Variants in SPON1 observed in about 807,000 individuals in gnomAD.
SPON1 encodes the protein spondin-1.
Under a neutral mutation model 111.7 loss-of-function variants are expected in SPON1, and 52 were observed. The ratio of observed to expected loss-of-function variants is 0.47; its 90% confidence interval spans 0.37 to 0.59. The LOEUF (loss-of-function observed/expected upper bound fraction) is 0.59, where lower values mean the gene tolerates loss of function less well. Ranked by LOEUF, SPON1 falls within the 20% of genes least tolerant of loss-of-function variation. SPON1 has a pLI of 0.00. For synonymous variants in SPON1, 410 were observed against 395.8 expected (o/e 1.04, Z -0.43); for missense variants, 957 against 1,068.5 (o/e 0.90, Z 1.46).
chr11:14,140,404 G>GT (rs1486519549), intron 6 of SPON1, among the ~76,000 whole-genome samples: 2 of 151,998 alleles, frequency 1.3e-5, no homozygotes, highest in South Asian at 2.1e-4. Context: ...TATTTGTTTT[G>GT]TTTTTTTGAG....
At chr11:13,993,420 A>T (rs1848247018) in intron 2 of SPON1, among the ~76,000 whole-genome samples, 2 of 152,044 alleles carry the variant, frequency 1.3e-5, no homozygotes, top group Non-Finnish European at 2.9e-5. Context: ...AATTGCCTGT[A>T]CAAAAGTAAC....
intron 6 of SPON1, among the ~76,000 whole-genome samples, chr11:14,221,585 C>CT: frequency 9.4e-6 from 1 of 105,836 alleles, no homozygotes; most frequent in South Asian, 2.7e-4. Context: ...GATTTCCACT[C>CT]TAAGTGACTC....
intron 5 of SPON1, among the ~76,000 whole-genome samples, chr11:14,083,742 A>G (rs1415523773): frequency 6.6e-6 from 1 of 152,232 alleles, no homozygotes; most frequent in Non-Finnish European, 1.5e-5. Flanking sequence ...ATAATAATGA[A>G]CACAAGTTTT....
intron 5 of SPON1, among the ~76,000 whole-genome samples, chr11:14,133,639 CTG>C (rs1554927759): frequency 6.6e-6 from 1 of 152,184 alleles, no homozygotes; most frequent in East Asian, 1.9e-4. Context: ...CTGCTTCACT[CTG>C]TGTCCACATC....
intron 3 of SPON1, among the ~76,000 whole-genome samples, chr11:14,058,930 A>G (rs1173414190): frequency 6.6e-6 from 1 of 152,214 alleles, no homozygotes; most frequent in African/African-American, 2.4e-5. Flanking sequence ...ATCTACCACA[A>G]TGCCAGAGTA....
At chr11:14,067,151 T>C (rs1337968271) in intron 3 of SPON1, among the ~76,000 whole-genome samples, 1 of 151,944 alleles carries the variant, frequency 6.6e-6, no homozygotes, top group Middle Eastern at 3.4e-3. Context: ...CATTCCAGCC[T>C]GGGCGAGACA....
At chr11:14,141,123 C>T (rs1377727086) in intron 6 of SPON1, among the ~76,000 whole-genome samples, 6 of 151,570 alleles carry the variant, frequency 4.0e-5, no homozygotes, top group Admixed American at 6.6e-5. Flanking sequence ...GTATCCCAGT[C>T]CAGGGCCCCA....
chr11:14,246,230 G>A (rs1270540675), intron 7 of SPON1, among the ~76,000 whole-genome samples: 1 of 152,178 alleles, frequency 6.6e-6, no homozygotes, highest in Non-Finnish European at 1.5e-5. Context: ...GAAAGAGATA[G>A]GAAGGGAGGG....
chr11:14,126,887 G>C (rs1847466300), intron 5 of SPON1, among the ~76,000 whole-genome samples: 1 of 152,068 alleles, frequency 6.6e-6, no homozygotes, highest in African/African-American at 2.4e-5. Flanking sequence ...CCAGCTAACT[G>C]AGATCTGCTT....
intron 6 of SPON1, among the ~76,000 whole-genome samples, chr11:14,233,526 A>C (rs1848826632): frequency 6.6e-6 from 1 of 152,222 alleles, no homozygotes. Context: ...GAGGGCAGCC[A>C]AGGCCAGAGA....
At position 14,268,085 on chromosome 11, in the gene SPON1, T is replaced by C. The variant is rs1849292455; in HGVS notation, c.*2398T>C. On this transcript the variant is annotated 3_prime_UTR_variant, in exon 16 of 16. Coordinates refer to ENST00000576479, the MANE Select transcript of SPON1 (RefSeq NM_006108.4). ...GCAAATGGGAATAAACCTGGGTTTC[T>C]ATAGACCCAGAACTGAAAAAATAAA... 1.3e-5 allele frequency among the ~76,000 whole-genome samples: 2 copies of C among 152,226 alleles called. No individual in the cohort carries two copies. Among genetic ancestry groups the C allele is most frequent in the Non-Finnish European group, 2.9e-5 (2 of 68,034 alleles).
chr11:14,230,799 G>A (rs782351228), intron 6 of SPON1, among the ~76,000 whole-genome samples: 18 of 146,528 alleles, frequency 1.2e-4, no homozygotes, highest in African/African-American at 1.8e-4. Context: ...TTTTTTCGTG[G>A]TGGTGGTGAG....
At position 14,055,849 on chromosome 11, in the gene SPON1, G is replaced by A. The variant is rs558250095; in HGVS notation, c.479+14195G>A. Among the ~76,000 whole-genome samples the A allele has an allele frequency of 1.3e-3, 205 of 152,304 alleles. 7 individuals are homozygous for A. In the South Asian group the frequency reaches 0.024, roughly 18 times the overall value. ...AAGGGTTGGCTGCTCTTAGGCCCAC[G>A]AGCCCAAGCTCATCCTTAGAGGTTC... On this transcript the variant is annotated intron_variant, in intron 3 of 15. Transcript: ENST00000576479.
chr11:14,160,431 T>TTATATATATATTTA (rs1847899599), intron 6 of SPON1, among the ~76,000 whole-genome samples: 1 of 24,564 alleles, frequency 4.1e-5, no homozygotes, highest in Non-Finnish European at 6.3e-5. Context: ...ATATATATAT[T>TTATATATATATTTA]TATATATATA....
intron 3 of SPON1, among the ~76,000 whole-genome samples, chr11:14,048,982 G>A (rs974182403): frequency 2.0e-5 from 3 of 152,210 alleles, no homozygotes; most frequent in South Asian, 2.1e-4. Context: ...AAAGGCAGAC[G>A]TAAGAGACAA....
chr11:14,121,240 T>C (rs1389506403), intron 5 of SPON1, among the ~76,000 whole-genome samples: 1 of 152,222 alleles, frequency 6.6e-6, no homozygotes, highest in Non-Finnish European at 1.5e-5. Context: ...AGTTACTATG[T>C]AGTTGCCTGC....
chr11:14,037,667 A>G (rs1245536485), intron 2 of SPON1, among the ~76,000 whole-genome samples: 8 of 152,250 alleles, frequency 5.3e-5, no homozygotes, highest in African/African-American at 1.7e-4. Flanking sequence ...ATGACATTGG[A>G]TATGGCAGTG....
intron 3 of SPON1, among the ~76,000 whole-genome samples, chr11:14,046,665 A>G (rs144027121): frequency 4.6e-4 from 70 of 152,326 alleles, no homozygotes; most frequent in African/African-American, 1.5e-3. Flanking sequence ...ATTGCTCATT[A>G]GTCTTCTAGT....
chr11:14,045,279 G>A (rs1295162830), intron 3 of SPON1, among the ~76,000 whole-genome samples: 1 of 152,088 alleles, frequency 6.6e-6, no homozygotes, highest in Non-Finnish European at 1.5e-5. Flanking sequence ...TTTAAAAATT[G>A]ATTTACACGG....
Sources: allele counts gnomAD v4.1 joint callset (sites outside exome capture counted in the v4.1 genomes callset), GRCh38; gene constraint gnomAD v4.1.1; transcripts MANE v1.5; gene names NCBI Gene and HGNC (gene_info 2026-07-23, HGNC 2026-07-21).